Variants in RANBP2 observed in about 807,000 individuals in gnomAD.
RANBP2 encodes the protein RAN binding protein 2, also known as E3 SUMO-protein ligase RanBP2.
RANBP2 carries 57 observed loss-of-function variants against 303.6 expected under a neutral mutation model. That is an observed-to-expected ratio of 0.19 (90% CI 0.15 to 0.23). The LOEUF is 0.23. Ranked by LOEUF, RANBP2 falls within the 10% of genes least tolerant of loss-of-function variation. RANBP2 has a pLI of 1.00. For missense variants in RANBP2, 3,138 were observed against 3,780.8 expected, an observed-to-expected ratio of 0.83 and a Z score of 4.46; for synonymous variants, 1,167 against 1,301.5, an observed-to-expected ratio of 0.90 and a Z score of 2.23.
chr2:108,944,878 C>T, the RANBP2 span, among the ~76,000 whole-genome samples: 1 of 152,180 alleles, frequency 6.6e-6, no homozygotes, highest in Non-Finnish European at 1.5e-5. Context: ...ACCTGCAGGT[C>T]CCAGAGGAAC....
chr2:109,586,906 C>T, the RANBP2 span, among the ~76,000 whole-genome samples: 2 of 152,056 alleles, frequency 1.3e-5, no homozygotes, highest in African/African-American at 4.8e-5. Context: ...AATTTAATTG[C>T]CTGTTAGAAC....
the RANBP2 span, among the ~76,000 whole-genome samples, chr2:108,948,299 T>G: frequency 6.6e-6 from 1 of 152,236 alleles, no homozygotes; most frequent in Non-Finnish European, 1.5e-5. Flanking sequence ...AACAAGTCTG[T>G]AGGAAGTTCC....
chr2:109,133,991 A>T, the RANBP2 span, among the ~76,000 whole-genome samples: 1 of 152,228 alleles, frequency 6.6e-6, no homozygotes, highest in East Asian at 1.9e-4. Flanking sequence ...GGAGGCCAGG[A>T]TAGAGGGTGT....
At chr2:108,996,535 T>A in the RANBP2 span, among the ~76,000 whole-genome samples, 8 of 152,132 alleles carry the variant, frequency 5.3e-5, no homozygotes, top group Non-Finnish European at 8.8e-5. Flanking sequence ...ACTTCAACAA[T>A]GAAATACATA....
chr2:108,743,130 CTG>C (rs1194414628), intron 7 of RANBP2, among the ~76,000 whole-genome samples: 1 of 152,172 alleles, frequency 6.6e-6, no homozygotes, highest in African/African-American at 2.4e-5. Flanking sequence ...ATTTATCTGT[CTG>C]TGTGTCTATT....
At chr2:109,365,436 T>TG in the RANBP2 span, among the ~76,000 whole-genome samples, 65 of 152,326 alleles carry the variant, frequency 4.3e-4, no homozygotes, top group Admixed American at 1.6e-3. Context: ...CTCTTCAATT[T>TG]GGGGGGCAGC....
chr2:109,446,765 C>T, the RANBP2 span, among the ~76,000 whole-genome samples: 2 of 114,124 alleles, frequency 1.8e-5, no homozygotes, highest in African/African-American at 2.6e-5. Flanking sequence ...GGAACACACT[C>T]CCTCTCTTCT....
chr2:109,394,721 G>A, the RANBP2 span, among the ~76,000 whole-genome samples: 1 of 152,230 alleles, frequency 6.6e-6, no homozygotes, highest in Non-Finnish European at 1.5e-5. Flanking sequence ...CATGCAGATA[G>A]AGCCACTGGA....
At chr2:108,862,899 C>T in the RANBP2 span, among the ~76,000 whole-genome samples, 1 of 151,834 alleles carries the variant, frequency 6.6e-6, no homozygotes, top group African/African-American at 2.4e-5. Flanking sequence ...GGAAATATTA[C>T]AAGGACATAC....
At chr2:109,124,953 G>C in the RANBP2 span, among the ~76,000 whole-genome samples, 8 of 152,174 alleles carry the variant, frequency 5.3e-5, no homozygotes, top group African/African-American at 1.9e-4. Context: ...CATCAATTTG[G>C]GTTCCCAGTT....
chr2:109,090,984 G>C, the RANBP2 span, among the ~76,000 whole-genome samples: 1 of 152,046 alleles, frequency 6.6e-6, no homozygotes, highest in Non-Finnish European at 1.5e-5. Context: ...TTTATTTAAA[G>C]CTTTGATATT....
chr2:109,420,924 A>G, the RANBP2 span, among the ~76,000 whole-genome samples: 5 of 152,138 alleles, frequency 3.3e-5, no homozygotes, highest in South Asian at 4.1e-4. Context: ...TAATTAACCA[A>G]TGTAATGAAA....
chr2:108,804,712 G>C, the RANBP2 span: 1 of 174,902 alleles, frequency 5.7e-6, no homozygotes, highest in Non-Finnish European at 1.1e-5. Flanking sequence ...TTGTTATCTT[G>C]GTAGATTGCA....
chr2:109,584,696 T>C, the RANBP2 span, among the ~76,000 whole-genome samples: 1 of 152,156 alleles, frequency 6.6e-6, no homozygotes, highest in Non-Finnish European at 1.5e-5. Flanking sequence ...CCTGCAATGA[T>C]TAATAATGTA....
the RANBP2 span, among the ~76,000 whole-genome samples, chr2:109,032,516 C>T: frequency 1.3e-5 from 2 of 152,124 alleles, no homozygotes; most frequent in African/African-American, 4.8e-5. Flanking sequence ...GACTTTTACA[C>T]CATGGAAGGG....
At chr2:108,864,819 G>A in the RANBP2 span, among the ~76,000 whole-genome samples, 1 of 148,568 alleles carries the variant, frequency 6.7e-6, no homozygotes. Flanking sequence ...AAATTAGCTT[G>A]GCATAATGGT....
chr2:108,846,853 C>G, the RANBP2 span: 2 of 1,613,580 alleles, frequency 1.2e-6, no homozygotes, highest in Non-Finnish European at 1.7e-6. Context: ...AAACCAAAGA[C>G]AGCTGCTTTC....
chr2:109,058,776 A>C, the RANBP2 span, among the ~76,000 whole-genome samples: 1 of 152,128 alleles, frequency 6.6e-6, no homozygotes, highest in Non-Finnish European at 1.5e-5. Context: ...ACGGGCAGAG[A>C]GTAGAGTTGG....
the RANBP2 span, among the ~76,000 whole-genome samples, chr2:109,053,102 A>G: frequency 6.6e-6 from 1 of 152,172 alleles, no homozygotes; most frequent in African/African-American, 2.4e-5. Context: ...GCTGTGGTCC[A>G]TCTTTGCTGT....
Sources: allele counts gnomAD v4.1 joint callset (sites outside exome capture counted in the v4.1 genomes callset), GRCh38; gene constraint gnomAD v4.1.1; transcripts MANE v1.5; gene names NCBI Gene and HGNC (gene_info 2026-07-23, HGNC 2026-07-21).